Variants in CADM2 observed in about 807,000 individuals in gnomAD.
CADM2 encodes immunoglobulin superfamily member 4D.
A neutral mutation model predicts 49.8 loss-of-function variants in CADM2; 12 were observed. The ratio of observed to expected loss-of-function variants is 0.24; its 90% CI spans 0.15 to 0.39. The LOEUF (loss-of-function observed/expected upper bound fraction) is 0.39. Among genes scored for constraint, CADM2 ranks in the 10% least tolerant of loss-of-function variants. The pLI is 1.00. For synonymous variants in CADM2, 214 were observed against 175.4 expected (o/e 1.22, Z -1.74); for missense variants, 378 against 492.3 (o/e 0.77, Z 2.20).
chr3:85,943,734 A>G (rs1722274618), intron 7 of CADM2, among the ~76,000 whole-genome samples: 1 of 151,934 alleles, frequency 6.6e-6, no homozygotes, highest in African/African-American at 2.4e-5. Context: ...GAGCCCTCAG[A>G]AATAACGCCG....
chr3:85,776,417 T>C (rs1213672610), intron 2 of CADM2, among the ~76,000 whole-genome samples: 1 of 151,870 alleles, frequency 6.6e-6, no homozygotes, highest in Non-Finnish European at 1.5e-5. Context: ...AATTTGTGAA[T>C]ACTACTGAAG....
chr3:85,294,986 C>T (rs2043915600), intron 1 of CADM2, among the ~76,000 whole-genome samples: 1 of 152,080 alleles, frequency 6.6e-6, no homozygotes, highest in South Asian at 2.1e-4. Context: ...AAGAAACTAC[C>T]ATCAGAGTGA....
At chr3:84,974,200 G>A (rs886926663) in intron 1 of CADM2, among the ~76,000 whole-genome samples, 35 of 150,820 alleles carry the variant, frequency 2.3e-4, no homozygotes, top group Non-Finnish European at 2.4e-4. Context: ...TGATATACAT[G>A]TTAAAATAGA....
At chr3:85,538,548 A>T (rs948117976) in intron 1 of CADM2, among the ~76,000 whole-genome samples, 1 of 152,130 alleles carries the variant, frequency 6.6e-6, no homozygotes, top group African/African-American at 2.4e-5. Flanking sequence ...AAAAATGTAT[A>T]TATTACTGAG....
intron 1 of CADM2, among the ~76,000 whole-genome samples, chr3:85,016,963 T>C (rs2326123): frequency 0.73 from 110,718 of 151,966 alleles, 41,607 homozygotes; most frequent in African/African-American, 0.91. Context: ...ATGTCTAGAT[T>C]GGGAGGATGC....
intron 1 of CADM2, among the ~76,000 whole-genome samples, chr3:85,294,244 A>G (rs566290718): frequency 9.8e-5 from 15 of 152,318 alleles, no homozygotes; most frequent in African/African-American, 2.9e-4. Flanking sequence ...GATGTAAAGG[A>G]CCTCTTCAAG....
At chr3:85,239,751 T>A (rs2107832711) in intron 1 of CADM2, among the ~76,000 whole-genome samples, 1 of 151,484 alleles carries the variant, frequency 6.6e-6, no homozygotes, top group East Asian at 1.9e-4. Flanking sequence ...ATACTGAAAA[T>A]ATTTTAAATA....
intron 8 of CADM2, among the ~76,000 whole-genome samples, chr3:86,063,995 G>C (rs747190626): frequency 6.6e-6 from 1 of 151,684 alleles, no homozygotes; most frequent in Non-Finnish European, 1.5e-5. Context: ...CCAAACTTTT[G>C]AGTGCCCAAA....
chr3:85,957,702 C>T (rs1470874112), intron 7 of CADM2, among the ~76,000 whole-genome samples: 1 of 151,828 alleles, frequency 6.6e-6, no homozygotes, highest in Non-Finnish European at 1.5e-5. Flanking sequence ...ACCTGTACTT[C>T]TGACCAACTG....
chr3:86,039,434 A>C (rs1735569152), intron 8 of CADM2, among the ~76,000 whole-genome samples: 1 of 152,168 alleles, frequency 6.6e-6, no homozygotes, highest in Non-Finnish European at 1.5e-5. Context: ...CCAGGAGATT[A>C]TATCCCACGC....
rs776515929 is a variant in CADM2 at position 85,912,401 on chromosome 3, A to C, written c.558A>C (p.Ala186=). ...TAAAATATTTAAAAGAAGAGGATGC[A>C]AATCGCAAGACATTCACTGTCAGCA... ...KDVKYLKEED[A]NRKTFTVSST... Residue 186 remains alanine, a synonymous_variant, in exon 6 of 10, where the codon GCA becomes GCC. Coordinates refer to ENST00000383699, the MANE Select transcript of CADM2 (RefSeq NM_001167675.2). 9 of 1,610,732 alleles carry C rather than the reference A, an allele frequency of 5.6e-6. No homozygotes were observed. The South Asian group carries it at 1.0e-4, about 18-fold the overall frequency.
chr3:85,447,194 G>A (rs1576572367), intron 1 of CADM2, among the ~76,000 whole-genome samples: 2 of 151,190 alleles, frequency 1.3e-5, no homozygotes, highest in Admixed American at 1.3e-4. Flanking sequence ...CAAATATTGG[G>A]GACAAGTGCC....
rs903148697 is a variant in CADM2, at chr3:85,836,874, G to A, written c.238+34678G>A. On this transcript the variant is annotated intron_variant, in intron 3 of 9. Transcript: ENST00000383699. ...CCATGTGAGTGCCTGGCAAGCTAAA[G>A]CACAAGAACAAACATAGTTCAGATA... Among the ~76,000 whole-genome samples, 8 of 151,596 alleles carry A rather than the reference G, an allele frequency of 5.3e-5. No homozygotes were observed. The East Asian group carries it at 1.6e-3, about 29-fold the overall frequency.
At chr3:85,273,752 C>T (rs2043297897) in intron 1 of CADM2, among the ~76,000 whole-genome samples, 1 of 133,536 alleles carries the variant, frequency 7.5e-6, no homozygotes, top group South Asian at 2.1e-4. Context: ...TAAATAAACT[C>T]TTGGAGGTGT....
At chr3:85,018,721 A>G (rs1002687910) in intron 1 of CADM2, among the ~76,000 whole-genome samples, 1 of 152,170 alleles carries the variant, frequency 6.6e-6, no homozygotes, top group Non-Finnish European at 1.5e-5. Context: ...GCTTCCTTAT[A>G]TGCTGTCTCC....
intron 8 of CADM2, among the ~76,000 whole-genome samples, chr3:86,055,789 T>G (rs1358636077): frequency 6.6e-6 from 1 of 152,130 alleles, no homozygotes; most frequent in Non-Finnish European, 1.5e-5. Context: ...CTTAGCAGAT[T>G]CATTATAAAC....
chr3:85,622,347 T>G (rs2107493443), intron 1 of CADM2, among the ~76,000 whole-genome samples: 1 of 152,312 alleles, frequency 6.6e-6, no homozygotes, highest in East Asian at 1.9e-4. Context: ...TACACTACAC[T>G]AATTTTTCAA....
At chr3:85,911,256 T>C (rs1391989802) in intron 5 of CADM2, among the ~76,000 whole-genome samples, 1 of 152,144 alleles carries the variant, frequency 6.6e-6, no homozygotes, top group Non-Finnish European at 1.5e-5. Flanking sequence ...TTCTAAACCT[T>C]TAAAATTGCC....
chr3:85,097,050 C>T (rs1260775337), intron 1 of CADM2, among the ~76,000 whole-genome samples: 1 of 151,928 alleles, frequency 6.6e-6, no homozygotes, highest in Non-Finnish European at 1.5e-5. Context: ...GCACAATGTG[C>T]AGGTTTGTTA....
Sources: allele counts gnomAD v4.1 joint callset (sites outside exome capture counted in the v4.1 genomes callset), GRCh38; gene constraint gnomAD v4.1.1; transcripts MANE v1.5; gene names NCBI Gene and HGNC (gene_info 2026-07-23, HGNC 2026-07-21).